Variants in FOXN3 observed in about 807,000 individuals in gnomAD.
The protein encoded by FOXN3 is forkhead box protein N3.
FOXN3 carries 7 observed loss-of-function variants against 38.4 expected under a neutral mutation model. The ratio of observed to expected loss-of-function variants is 0.18; its 90% CI spans 0.10 to 0.34. The LOEUF is 0.34. Ranked by LOEUF, FOXN3 falls within the 10% of genes least tolerant of loss-of-function variation. FOXN3 has a pLI of 1.00. For missense variants in FOXN3, 456 were observed against 613.4 expected (o/e 0.74, Z 2.71); for synonymous variants, 230 against 242.2 (o/e 0.95, Z 0.47).
At chr14:89,525,941 A>G (rs1281516591) in intron 1 of FOXN3, among the ~76,000 whole-genome samples, 1 of 152,186 alleles carries the variant, frequency 6.6e-6, no homozygotes, top group Non-Finnish European at 1.5e-5. Context: ...AGTTTATTCC[A>G]GAAATGCAGG....
At chr14:89,571,051 C>T (rs1221478972) in intron 1 of FOXN3, among the ~76,000 whole-genome samples, 1 of 152,224 alleles carries the variant, frequency 6.6e-6, no homozygotes, top group Admixed American at 6.5e-5. Flanking sequence ...GTACTCAGCA[C>T]TGCACTCAAA....
At chr14:89,296,339 GAT>G (rs1487142249) in intron 3 of FOXN3, among the ~76,000 whole-genome samples, 4 of 152,194 alleles carry the variant, frequency 2.6e-5, no homozygotes, top group Non-Finnish European at 5.9e-5. Flanking sequence ...TTATTTGCAT[GAT>G]ATATTTGCAT....
chr14:89,463,302 A>G (rs1241132219), intron 1 of FOXN3, among the ~76,000 whole-genome samples: 1 of 150,972 alleles, frequency 6.6e-6, no homozygotes, highest in Non-Finnish European at 1.5e-5. Context: ...ATCCACTCCC[A>G]TGAGAACACA....
At chr14:89,229,222 AC>A (rs1884729957) in intron 4 of FOXN3, among the ~76,000 whole-genome samples, 2 of 152,178 alleles carry the variant, frequency 1.3e-5, no homozygotes, top group Admixed American at 1.3e-4. Flanking sequence ...TAAGAGTGTC[AC>A]CCATGACAAA....
chr14:89,487,514 CTG>C (rs1480657138), intron 1 of FOXN3, among the ~76,000 whole-genome samples: 4 of 152,186 alleles, frequency 2.6e-5, no homozygotes, highest in Non-Finnish European at 4.4e-5. Context: ...GCCCAGAAAT[CTG>C]TGTTTTAACA....
intron 2 of FOXN3, among the ~76,000 whole-genome samples, chr14:89,357,028 C>T (rs1889257498): frequency 6.6e-6 from 1 of 152,060 alleles, no homozygotes; most frequent in Admixed American, 6.6e-5. Flanking sequence ...AGGTGGGCAG[C>T]AATGAGACGG....
At chr14:89,206,753 C>T (rs1169836527) in intron 4 of FOXN3, among the ~76,000 whole-genome samples, 1 of 152,180 alleles carries the variant, frequency 6.6e-6, no homozygotes. Flanking sequence ...AATCAACCAC[C>T]GTAACTGCCA....
chr14:89,339,636 G>A (rs907818710), intron 3 of FOXN3, among the ~76,000 whole-genome samples: 6 of 152,226 alleles, frequency 3.9e-5, no homozygotes, highest in East Asian at 1.9e-4. Flanking sequence ...GGGCAGGATC[G>A]GGCAGGCGGG....
chr14:89,546,794 CAT>C (rs1411376551), intron 1 of FOXN3, among the ~76,000 whole-genome samples: 2 of 151,716 alleles, frequency 1.3e-5, no homozygotes, highest in Non-Finnish European at 2.9e-5. Flanking sequence ...GGCAAACATT[CAT>C]ATATACACAC....
chr14:89,199,949 C>A (rs933918948), intron 4 of FOXN3, among the ~76,000 whole-genome samples: 1 of 152,054 alleles, frequency 6.6e-6, no homozygotes, highest in Non-Finnish European at 1.5e-5. Context: ...ACAAAAACTG[C>A]ACTATTTTAT....
rs1216333445 is a variant in FOXN3, at chr14:89,159,180, G to T, written c.*3234C>A. The T allele has an allele frequency of 6.6e-6, 1 of 152,594 alleles. No homozygotes were observed. Among genetic ancestry groups the T allele is most frequent in the South Asian group, 2.1e-4 (1 of 4,830 alleles). The allele number at this position is 152,594 out of a possible 1,614,324, so 9.5% of individuals were successfully genotyped here. On this transcript the variant is annotated 3_prime_UTR_variant, in exon 6 of 6. Transcript: ENST00000557258. ...CTGCCCCTTGGCTTGTTAAGGACAC[G>T]GACAACCTCATTCTCCAATAAATTC...
At chr14:89,475,360 T>C (rs1893190055) in intron 1 of FOXN3, among the ~76,000 whole-genome samples, 1 of 152,170 alleles carries the variant, frequency 6.6e-6, no homozygotes, top group Admixed American at 6.5e-5. Flanking sequence ...GTAGTTAGAA[T>C]AGTAGGTCAT....
intron 1 of FOXN3, among the ~76,000 whole-genome samples, chr14:89,605,925 G>T (rs892550714): frequency 2.6e-5 from 4 of 151,896 alleles, no homozygotes; most frequent in Non-Finnish European, 5.9e-5. Flanking sequence ...GACCAGGCTG[G>T]GCAATATAGC....
intron 3 of FOXN3, among the ~76,000 whole-genome samples, chr14:89,342,880 G>C (rs8011698): frequency 0.062 from 9,352 of 151,928 alleles, 1,001 homozygotes; most frequent in African/African-American, 0.22. Context: ...GAATATGAGG[G>C]GCATTTAAAA....
intron 3 of FOXN3, among the ~76,000 whole-genome samples, chr14:89,347,486 C>T (rs989387238): frequency 6.6e-6 from 1 of 152,204 alleles, no homozygotes; most frequent in Non-Finnish European, 1.5e-5. Context: ...ACATTGGTCT[C>T]GGACTTCCAG....
chr14:89,488,923 A>T (rs79213490), intron 1 of FOXN3, among the ~76,000 whole-genome samples: 6,039 of 152,308 alleles, frequency 0.04, 202 homozygotes, highest in Non-Finnish European at 0.063. Flanking sequence ...TCACCAAAAC[A>T]GTTAAATTAA....
chr14:89,434,221 C>CA (rs1892226939), intron 1 of FOXN3, among the ~76,000 whole-genome samples: 1 of 124,732 alleles, frequency 8.0e-6, no homozygotes, highest in Non-Finnish European at 1.7e-5. Flanking sequence ...CTGCGCAAGC[C>CA]TTTTTTTTTT....
intron 1 of FOXN3, among the ~76,000 whole-genome samples, chr14:89,454,363 C>T (rs72703659): frequency 1.3e-5 from 2 of 152,274 alleles, no homozygotes; most frequent in African/African-American, 2.4e-5. Context: ...AGAGTCCTCG[C>T]CAGGAAGCAA....
At chr14:89,556,834 C>A (rs1472856731) in intron 1 of FOXN3, among the ~76,000 whole-genome samples, 1 of 152,124 alleles carries the variant, frequency 6.6e-6, no homozygotes, top group African/African-American at 2.4e-5. Context: ...AAGTGCCCTG[C>A]TGATTTGGGA....
Sources: allele counts gnomAD v4.1 joint callset (sites outside exome capture counted in the v4.1 genomes callset), GRCh38; gene constraint gnomAD v4.1.1; transcripts MANE v1.5; gene names NCBI Gene and HGNC (gene_info 2026-07-23, HGNC 2026-07-21).